The following SLC9A1 variants were observed in gnomAD, a reference collection of about 807,000 sequenced individuals.
SLC9A1 encodes the protein sodium/hydrogen exchanger 1.
A neutral mutation model predicts 67.9 loss-of-function variants in SLC9A1; 22 were observed. The ratio of observed to expected loss-of-function variants is 0.32; its 90% CI spans 0.23 to 0.46. SLC9A1 has a LOEUF of 0.46. Among genes scored for constraint, SLC9A1 ranks in the 20% least tolerant of loss-of-function variants. The pLI is 1.00. For synonymous variants in SLC9A1, 421 were observed against 471.8 expected, an observed-to-expected ratio of 0.89 and a Z score of 1.40; for missense variants, 686 against 1,094.8, an observed-to-expected ratio of 0.63 and a Z score of 5.27.
Position 27,106,732 on chromosome 1 carries a change from C to T in SLC9A1, c.1283-645G>A, listed in dbSNP as rs548505859. ...TGGGGCCTGGTCCCCACGTGTGCCC[C>T]GGCCTGCTGCATAGGTTTGGAGGAC... On this transcript the variant is annotated intron_variant, in intron 4 of 11. Coordinates refer to ENST00000263980, the MANE Select transcript of SLC9A1 (RefSeq NM_003047.5). This position sits in a 1 kb window ranked among gnomAD's most constrained non-coding sequence, Gnocchi z 4.3. Among the ~76,000 whole-genome samples, 19 of 152,092 alleles carry T rather than the reference C, an allele frequency of 1.2e-4. No individual in the cohort carries two copies. Among genetic ancestry groups the T allele is most frequent in the Non-Finnish European group, 2.2e-4 (15 of 67,952 alleles).
intron 1 of SLC9A1, among the ~76,000 whole-genome samples, chr1:27,143,277 C>G (rs1333033595): frequency 1.3e-5 from 2 of 152,104 alleles, no homozygotes; most frequent in East Asian, 3.9e-4. Context: ...CTCTTCTACC[C>G]CTGGCCCACC....
rs955189025 is a variant in SLC9A1 at position 27,133,477 on chromosome 1, G to A, written c.353-19191C>T. On this transcript the variant is annotated intron_variant, in intron 1 of 11. Transcript: ENST00000263980. ...ACCCAAACACTGAGCTAGAAGAAGT[G>A]TAAGAGACTACTCAAAGCCAGGACT... Among the ~76,000 whole-genome samples, 3 of 152,214 alleles carry A rather than the reference G, an allele frequency of 2.0e-5. No individual in the cohort carries two copies. The South Asian group carries it at 6.2e-4, about 31-fold the overall frequency.
chr1:27,132,669 A>T (rs1213350523), intron 1 of SLC9A1, among the ~76,000 whole-genome samples: 2 of 152,182 alleles, frequency 1.3e-5, no homozygotes, highest in African/African-American at 4.8e-5. Flanking sequence ...CTACAATTAG[A>T]GCAGGACTTT....
chr1:27,130,527 C>T (rs897310995), intron 1 of SLC9A1, among the ~76,000 whole-genome samples: 5 of 152,222 alleles, frequency 3.3e-5, no homozygotes, highest in Admixed American at 2.6e-4. Flanking sequence ...CCACTGACAG[C>T]AGCTCCCCAG....
At chr1:27,131,937 AG>A (rs1331172454) in intron 1 of SLC9A1, among the ~76,000 whole-genome samples, 51 of 35,442 alleles carry the variant, frequency 1.4e-3, no homozygotes, top group Non-Finnish European at 1.9e-3. Flanking sequence ...AAGAAGAAGA[AG>A]AAAAAAAAAA....
At chr1:27,113,777 ATTTGGGTTTGTACCG>A (rs776548406) in intron 2 of SLC9A1, 34 bp downstream of exon 2, 1 of 1,428,924 alleles carries the variant, frequency 7.0e-7, no homozygotes, top group Non-Finnish European at 9.7e-7. Context: ...GTGGGCCTGG[ATTTGGGTTTGTACCG>A]TTTGGACATG....
intron 3 of SLC9A1, among the ~76,000 whole-genome samples, chr1:27,108,368 T>C (rs1431574074): frequency 3.0e-5 from 4 of 133,182 alleles, no homozygotes; most frequent in Non-Finnish European, 6.4e-5. Context: ...CCCGGCCCTA[T>C]TCCTCCATTT....
intron 1 of SLC9A1, among the ~76,000 whole-genome samples, chr1:27,119,084 C>G (rs1557744396): frequency 6.6e-6 from 1 of 151,090 alleles, no homozygotes; most frequent in Non-Finnish European, 1.5e-5. Flanking sequence ...CACACACACA[C>G]ACTCTTGCTG....
At chr1:27,145,073 G>GAAAAAAAAAAAAAAAAAAAAAGA (rs952148589) in intron 1 of SLC9A1, among the ~76,000 whole-genome samples, 1 of 96,980 alleles carries the variant, frequency 1.0e-5, no homozygotes. Context: ...AAGGAAAAAG[G>GAAAAAAAAAAAAAAAAAAAAAGA]AAAAAAAAAA....
intron 1 of SLC9A1, among the ~76,000 whole-genome samples, chr1:27,144,612 C>T (rs1040321154): frequency 6.6e-6 from 1 of 152,250 alleles, no homozygotes; most frequent in Non-Finnish European, 1.5e-5. Context: ...TGCCCCAGGG[C>T]TTTGCAGGGA....
At chr1:27,143,184 C>T (rs547714335) in intron 1 of SLC9A1, among the ~76,000 whole-genome samples, 206 of 152,040 alleles carry the variant, frequency 1.4e-3, no homozygotes, top group Admixed American at 3.0e-3. Context: ...ATCTTAGAAA[C>T]CTAGATCCTA....
chr1:27,131,484 T>C (rs934878063), intron 1 of SLC9A1, among the ~76,000 whole-genome samples: 3 of 146,056 alleles, frequency 2.1e-5, no homozygotes, highest in Non-Finnish European at 4.5e-5. Context: ...GCACGGTGGC[T>C]GATGCCTGTA....
chr1:27,123,213 T>C (rs1454273525), intron 1 of SLC9A1, among the ~76,000 whole-genome samples: 1 of 152,226 alleles, frequency 6.6e-6, no homozygotes, highest in African/African-American at 2.4e-5. Flanking sequence ...CTAACAGTCA[T>C]ATAAGTGTTT....
At chr1:27,145,893 C>T (rs898945544) in intron 1 of SLC9A1, among the ~76,000 whole-genome samples, 3 of 152,144 alleles carry the variant, frequency 2.0e-5, no homozygotes, top group South Asian at 2.1e-4. Context: ...CCAGGGAAGG[C>T]GGGCAGCCCA....
intron 1 of SLC9A1, among the ~76,000 whole-genome samples, chr1:27,143,068 AAATC>A (rs1416625620): frequency 6.6e-6 from 1 of 151,770 alleles, no homozygotes; most frequent in African/African-American, 2.4e-5. Context: ...AAAAAAAAAA[AAATC>A]TGAGTCTATC....
Position 27,103,283 on chromosome 1 carries a change from C to G in SLC9A1, c.1515G>C (p.Leu505=), listed in dbSNP as rs1420447367. ...QGMTIRPLVD[L]LAVKKKQETK... The stretch of plus-strand genomic sequence containing the variant: ...TCTCTTGCTTTTTCTTCACAGCCAA[C>G]AGGTCTACCAGGGGCCGAATGGTCA... The change falls in exon 6 of 12, where the codon CTG becomes CTC. Residue 505 remains leucine, a synonymous_variant. Coordinates refer to ENST00000263980, the MANE Select transcript of SLC9A1 (RefSeq NM_003047.5). 3 of 1,614,016 alleles carry G rather than the reference C, an allele frequency of 1.9e-6. No homozygotes were observed. The highest frequency in any genetic ancestry group is 2.5e-6 in the Non-Finnish European group (3 of 1,179,952).
chr1:27,104,401 C>A (rs544212811), intron 5 of SLC9A1, among the ~76,000 whole-genome samples: 1 of 151,098 alleles, frequency 6.6e-6, no homozygotes, highest in Non-Finnish European at 1.5e-5. Context: ...TTTCTTAACT[C>A]GAGAGAGAGT....
chr1:27,121,544 A>G (rs979822926), intron 1 of SLC9A1, among the ~76,000 whole-genome samples: 1 of 152,188 alleles, frequency 6.6e-6, no homozygotes, highest in Admixed American at 6.5e-5. Flanking sequence ...CGGCCCCTGG[A>G]GTAATAAGCA....
At position 27,114,324 on chromosome 1, in the gene SLC9A1, G is replaced by A. The variant is rs1312564577; in HGVS notation, c.353-38C>T. ...AGAGAACGGGAGGCCATGGGCTTTC[G>A]GAGGAGCCAGGAGAATAGAAGGTTG... On this transcript the variant is annotated intron_variant, in intron 1 of 11. Transcript: ENST00000263980. The surrounding 1 kb of genome is among the most constrained non-coding windows in gnomAD (Gnocchi z 5.4). 19 of 1,528,772 alleles carry A rather than the reference G, an allele frequency of 1.2e-5. No homozygotes were observed. Among genetic ancestry groups the A allele is most frequent in the East Asian group, 4.5e-5 (2 of 44,052 alleles). 94.7% of individuals were successfully genotyped at this position (1,528,772 alleles called of 1,614,324 possible). A position where few individuals can be genotyped will look rare whatever the true frequency, so the allele number is the denominator to read the frequency against.
Sources: allele counts gnomAD v4.1 joint callset (sites outside exome capture counted in the v4.1 genomes callset), GRCh38; gene constraint gnomAD v4.1.1; non-coding constraint Gnocchi (gnomAD v3.1); transcripts MANE v1.5; gene names NCBI Gene and HGNC (gene_info 2026-07-23, HGNC 2026-07-21).